ELAPOR2: variants seen among roughly 807,000 people sequenced by gnomAD.
The protein encoded by ELAPOR2 is endosome/lysosome-associated apoptosis and autophagy regulator family member 2.
Under a neutral mutation model 120.7 loss-of-function variants are expected in ELAPOR2, and 89 were observed. The ratio of observed to expected loss-of-function variants is 0.74; its 90% CI spans 0.62 to 0.88. The LOEUF (loss-of-function observed/expected upper bound fraction) is 0.88, where lower values mean the gene tolerates loss of function less well. Ranked by LOEUF, ELAPOR2 falls within the 40% of genes least tolerant of loss-of-function variation. ELAPOR2 has a pLI of 0.00. For synonymous variants in ELAPOR2, 444 were observed against 444.9 expected (o/e 1.00, Z 0.03); for missense variants, 1,134 against 1,251.6 (o/e 0.91, Z 1.42).
chr7:87,030,360 A>G (rs1334217633), intron 1 of ELAPOR2, among the ~76,000 whole-genome samples: 1 of 152,040 alleles, frequency 6.6e-6, no homozygotes. Flanking sequence ...CAAAAACACT[A>G]TTAGTCTAAA....
Position 86,942,110 on chromosome 7 carries a change from G to A in ELAPOR2, c.655-6C>T. 1 of 1,519,504 alleles carries A rather than the reference G, an allele frequency of 6.6e-7. No individual in the cohort carries two copies. Among genetic ancestry groups the A allele is most frequent in the Non-Finnish European group, 8.9e-7 (1 of 1,118,246 alleles). 94.1% of individuals were successfully genotyped at this position (1,519,504 alleles called of 1,614,324 possible). A position where few individuals can be genotyped will look rare whatever the true frequency, so the allele number is the denominator to read the frequency against. On this transcript the variant is annotated splice_region_variant and splice_polypyrimidine_tract_variant and intron_variant, in intron 4 of 21. Coordinates refer to ENST00000450689, the MANE Select transcript of ELAPOR2 (RefSeq NM_001142749.3). Reference sequence around the variant, plus strand: ...TGGCACTGATCATTTTGAATCTGTGGATTAAACACAAGAGCCCTAGTAAAG... The same window carrying A: ...TGGCACTGATCATTTTGAATCTGTGAATTAAACACAAGAGCCCTAGTAAAG...
At position 87,043,323 on chromosome 7, in the gene ELAPOR2, G is replaced by A. The variant is rs549866605; in HGVS notation, c.189+16002C>T. ...GACACAACAAAAAAAGAGAATTTTA[G>A]ACCAATATCCTTGATGAACATTGAT... is the stretch of plus-strand genomic sequence containing the variant. On this transcript the variant is annotated intron_variant, in intron 1 of 21. Transcript: ENST00000450689. Among the ~76,000 whole-genome samples the A allele has an allele frequency of 1.6e-3, 247 of 151,298 alleles. 2 individuals carry two copies. Among genetic ancestry groups the A allele is most frequent in the African/African-American group, 5.8e-3 (237 of 40,862 alleles).
At chr7:86,902,467 C>T (rs780344615) in intron 18 of ELAPOR2, among the ~76,000 whole-genome samples, 1 of 152,180 alleles carries the variant, frequency 6.6e-6, no homozygotes, top group African/African-American at 2.4e-5. Flanking sequence ...TAAGCCACTG[C>T]GCCAGGCCTG....
At chr7:86,919,883 T>C (rs1159648047) in intron 10 of ELAPOR2, 1 of 152,308 alleles carries the variant, frequency 6.6e-6, no homozygotes, top group African/African-American at 2.4e-5. Flanking sequence ...CAAACAACTG[T>C]CAACAGTATA....
intron 1 of ELAPOR2, among the ~76,000 whole-genome samples, chr7:87,024,829 T>C (rs1794191088): frequency 6.6e-6 from 1 of 152,000 alleles, no homozygotes; most frequent in South Asian, 2.1e-4. Context: ...CCTTGACACA[T>C]ACACCCTCCC....
At position 86,908,543 on chromosome 7, in the gene ELAPOR2, C is replaced by A. The variant is rs751227473; in HGVS notation, c.2360G>T (p.Gly787Val). The part of the protein sequence containing the change: ...QSIILADTFI[G>V]VTVETTLKNI... ...TTTCAATGTGGTTTCAACTGTGACTCCTAGATGACATTTAAAAAGAAACTA... is the reference window on the plus strand; with the variant it reads ...TTTCAATGTGGTTTCAACTGTGACTACTAGATGACATTTAAAAAGAAACTA... Residue 787 changes from glycine to valine, a missense_variant and splice_region_variant, in exon 17 of 22, where the codon GGA becomes GTA. Gly to Val is a moderately radical substitution (Grantham distance 109, BLOSUM62 -3). Coordinates refer to ENST00000450689, the MANE Select transcript of ELAPOR2 (RefSeq NM_001142749.3). The A allele has an allele frequency of 1.4e-6, 2 of 1,416,312 alleles. No homozygotes were observed. The highest frequency in any genetic ancestry group is 1.3e-5 in the South Asian group (1 of 77,844). 87.7% of individuals were successfully genotyped at this position (1,416,312 alleles called of 1,614,324 possible). A position where few individuals can be genotyped will look rare whatever the true frequency, so the allele number is the denominator to read the frequency against.
Position 86,907,675 on chromosome 7 carries a change from G to T in ELAPOR2, c.2553C>A (p.Val851=), listed in dbSNP as rs1789088370. 3 of 1,564,304 alleles carry T rather than the reference G, an allele frequency of 1.9e-6. No individual in the cohort carries two copies. Among genetic ancestry groups the T allele is most frequent in the East Asian group, 2.4e-5 (1 of 42,124 alleles). Residue 851 remains valine, a synonymous_variant, in exon 18 of 22, where the codon GTC becomes GTA. Coordinates refer to ENST00000450689, the MANE Select transcript of ELAPOR2 (RefSeq NM_001142749.3). ...PTKSGAGVIS[V]PSKCPAGTCD... ...TCATATGGAAATAAGGATACCTGGG[G>T]ACTGAAATCACTCCTGCTCCAGATT... is the stretch of plus-strand genomic sequence containing the variant.
At chr7:86,913,462 A>G (rs1789419262) in intron 13 of ELAPOR2, among the ~76,000 whole-genome samples, 1 of 152,220 alleles carries the variant, frequency 6.6e-6, no homozygotes, top group Non-Finnish European at 1.5e-5. Flanking sequence ...CACAATTAGT[A>G]TAAATTAGGA....
intron 9 of ELAPOR2, among the ~76,000 whole-genome samples, chr7:86,926,100 T>A (rs887151789): frequency 1.3e-5 from 2 of 152,026 alleles, no homozygotes; most frequent in Non-Finnish European, 2.9e-5. Flanking sequence ...TTAATACCAT[T>A]TATGAACTGA....
intron 16 of ELAPOR2, 50 bp downstream of exon 16, chr7:86,909,762 T>C: frequency 7.0e-7 from 1 of 1,423,842 alleles, no homozygotes; most frequent in Non-Finnish European, 9.6e-7. Context: ...ATTCATAGCA[T>C]AATTTAAGAA....
intron 1 of ELAPOR2, among the ~76,000 whole-genome samples, chr7:87,030,532 G>C (rs1794391663): frequency 1.3e-5 from 2 of 152,128 alleles, no homozygotes; most frequent in South Asian, 4.1e-4. Flanking sequence ...ATTAAGTTTG[G>C]CCTAAAGCTG....
chr7:87,024,884 C>T (rs1206668125), intron 1 of ELAPOR2, among the ~76,000 whole-genome samples: 1 of 151,716 alleles, frequency 6.6e-6, no homozygotes, highest in African/African-American at 2.4e-5. Flanking sequence ...AGACCAATAA[C>T]AGGCTCTGAA....
At chr7:86,928,570 C>T (rs1422692759) in intron 8 of ELAPOR2, among the ~76,000 whole-genome samples, 1 of 151,852 alleles carries the variant, frequency 6.6e-6, no homozygotes, top group African/African-American at 2.4e-5. Context: ...GTATTGCTAT[C>T]CTCAAGTTTA....
Position 86,964,939 on chromosome 7 carries a change from G to A in ELAPOR2, c.275C>T (p.Ser92Phe). The A allele has an allele frequency of 5.2e-6, 8 of 1,551,572 alleles. No individual in the cohort carries two copies. The highest frequency in any genetic ancestry group is 7.0e-6 in the Non-Finnish European group (8 of 1,146,868). ...VAIPNSAVDC[S>F]GLPDPVRGKE... Reference sequence around the variant, plus strand: ...GCCTCTCACTGGGTCAGGCAGGCCAGAGCAGTCCACTGCAGAATTTGGAAT... The same window carrying A: ...GCCTCTCACTGGGTCAGGCAGGCCAAAGCAGTCCACTGCAGAATTTGGAAT... The change falls in exon 2 of 22, where the codon TCT (serine) becomes TTT (phenylalanine). Residue 92 changes from serine (S) to phenylalanine (F), a missense_variant. Coordinates refer to ENST00000450689, the MANE Select transcript of ELAPOR2 (RefSeq NM_001142749.3).
At position 86,942,276 on chromosome 7, in the gene ELAPOR2, A is replaced by G. The variant is rs138443390; in HGVS notation, c.655-172T>C. ...CCTCTGGAGCCTAAGTGACAACTGC[A>G]TAAGACTGAGAGGTTCTAAGTAAAC... On this transcript the variant is annotated intron_variant, in intron 4 of 21. Coordinates refer to ENST00000450689, the MANE Select transcript of ELAPOR2 (RefSeq NM_001142749.3). 2.4e-4 allele frequency among the ~76,000 whole-genome samples: 36 copies of G among 152,242 alleles called. No homozygotes were observed. The East Asian group carries it at 6.0e-3, about 25-fold the overall frequency.
intron 10 of ELAPOR2, among the ~76,000 whole-genome samples, chr7:86,922,850 G>C (rs1393736521): frequency 1.3e-5 from 2 of 151,676 alleles, no homozygotes; most frequent in Admixed American, 1.3e-4. Flanking sequence ...ACCAATAAAA[G>C]AGTTATTGAG....
intron 1 of ELAPOR2, among the ~76,000 whole-genome samples, chr7:86,999,591 T>C (rs774434915): frequency 1.2e-4 from 19 of 152,286 alleles, no homozygotes; most frequent in Admixed American, 2.6e-4. Flanking sequence ...ACTAGAATTA[T>C]GCAACAGCTT....
chr7:86,933,177 A>G (rs1267105279), intron 8 of ELAPOR2, among the ~76,000 whole-genome samples: 1 of 144,886 alleles, frequency 6.9e-6, no homozygotes, highest in Non-Finnish European at 1.5e-5. Context: ...TGATTTATCA[A>G]ATCAAACATT....
intron 20 of ELAPOR2, among the ~76,000 whole-genome samples, 177 bp downstream of exon 20, chr7:86,892,745 G>A (rs1245439499): frequency 6.6e-6 from 1 of 151,964 alleles, no homozygotes; most frequent in Non-Finnish European, 1.5e-5. Flanking sequence ...TCTACTGTCA[G>A]AATAACAATC....
Sources: allele counts gnomAD v4.1 joint callset (sites outside exome capture counted in the v4.1 genomes callset), GRCh38; gene constraint gnomAD v4.1.1; transcripts MANE v1.5; gene names NCBI Gene and HGNC (gene_info 2026-07-23, HGNC 2026-07-21).